NSG1: variants seen among roughly 807,000 people sequenced by gnomAD.
NSG1 encodes the protein neuronal vesicle trafficking-associated protein 1.
In NSG1, 9 loss-of-function variants were observed where a neutral mutation model predicts 19.3. The ratio of observed to expected loss-of-function variants is 0.47; its 90% CI spans 0.28 to 0.81. The LOEUF is 0.81. Among genes scored for constraint, NSG1 ranks in the 40% least tolerant of loss-of-function variants. NSG1 has a pLI of 0.11. For missense variants in NSG1, 236 were observed against 242.4 expected (o/e 0.97, Z 0.18); for synonymous variants, 104 against 107.0 (o/e 0.97, Z 0.17).
At chr4:4,387,392 T>C (rs1351666944) in intron 1 of NSG1, among the ~76,000 whole-genome samples, 1 of 152,022 alleles carries the variant, frequency 6.6e-6, no homozygotes, top group Non-Finnish European at 1.5e-5. Flanking sequence ...GCCCGGCGCT[T>C]GGGTCCTGCG....
intron 3 of NSG1, among the ~76,000 whole-genome samples, chr4:4,403,367 C>A (rs529776011): frequency 6.6e-6 from 1 of 152,346 alleles, no homozygotes; most frequent in South Asian, 2.1e-4. Flanking sequence ...TAGGCAGACA[C>A]TGTTTCCCTG....
intron 1 of NSG1, 23 bp from the exon 2 acceptor site, chr4:4,387,581 T>TC: frequency 2.2e-6 from 2 of 926,818 alleles, no homozygotes; most frequent in Non-Finnish European, 3.1e-6. Context: ...TTGTGGTGAC[T>TC]CCCCCCGGCC....
chr4:4,408,098 T>C (rs1000870988), intron 3 of NSG1, among the ~76,000 whole-genome samples: 2 of 152,028 alleles, frequency 1.3e-5, no homozygotes, highest in South Asian at 2.1e-4. Flanking sequence ...GGGGACTGCA[T>C]GGTGTTAGGG....
chr4:4,398,308 T>G (rs974606787), intron 3 of NSG1, among the ~76,000 whole-genome samples: 2 of 152,210 alleles, frequency 1.3e-5, no homozygotes, highest in Non-Finnish European at 2.9e-5. Flanking sequence ...ACTTACCGCT[T>G]TAAGGTAAGT....
At chr4:4,388,584 C>T (rs1577277491) in intron 2 of NSG1, among the ~76,000 whole-genome samples, 1 of 152,250 alleles carries the variant, frequency 6.6e-6, no homozygotes, top group African/African-American at 2.4e-5. Flanking sequence ...AGCATCTACT[C>T]TCAGCATCTT....
chr4:4,389,409 G>A (rs1722891802), intron 2 of NSG1, among the ~76,000 whole-genome samples: 1 of 152,218 alleles, frequency 6.6e-6, no homozygotes. Flanking sequence ...ACTTCCCGCC[G>A]GGACTGAGTG....
At chr4:4,404,746 T>C (rs1315990035) in intron 3 of NSG1, among the ~76,000 whole-genome samples, 1 of 152,130 alleles carries the variant, frequency 6.6e-6, no homozygotes, top group Non-Finnish European at 1.5e-5. Context: ...CTTAGGAAAG[T>C]CTCCAAACTG....
chr4:4,402,248 C>G (rs1373199644), intron 3 of NSG1, among the ~76,000 whole-genome samples: 1 of 151,000 alleles, frequency 6.6e-6, no homozygotes, highest in African/African-American at 2.4e-5. Flanking sequence ...GCTGTGTAGC[C>G]CAGGTTGGAG....
Position 4,418,785 on chromosome 4 carries a change from G to A in NSG1, c.*1350G>A, listed in dbSNP as rs368545743. The A allele has an allele frequency of 1.3e-5, 2 of 152,678 alleles. No individual in the cohort carries two copies. The allele number at this position is 152,678 out of a possible 1,614,324, so 9.5% of individuals were successfully genotyped here. A position where few individuals can be genotyped will look rare whatever the true frequency, so the allele number is the denominator to read the frequency against. Reference sequence around the variant, plus strand: ...CAGAAAATGTATTTTCTCATCAAGGGTGTCTGGAGACACAGACCGTGACCT... The same window carrying A: ...CAGAAAATGTATTTTCTCATCAAGGATGTCTGGAGACACAGACCGTGACCT... On this transcript the variant is annotated 3_prime_UTR_variant, in exon 5 of 5. Transcript: ENST00000621129.
At chr4:4,387,561 C>CCGGGGGGGGGGTGGG in intron 1 of NSG1, 43 bp from the exon 2 acceptor site, 3 of 1,141,990 alleles carry the variant, frequency 2.6e-6, no homozygotes, top group East Asian at 2.7e-5. Context: ...CGCCCCGCCC[C>CCGGGGGGGGGGTGGG]GGGTCTTGCT....
intron 3 of NSG1, among the ~76,000 whole-genome samples, chr4:4,400,721 C>A (rs1049401563): frequency 6.6e-6 from 1 of 152,156 alleles, no homozygotes; most frequent in Non-Finnish European, 1.5e-5. Flanking sequence ...GACTTTGTCA[C>A]CAATGCATAC....
intron 3 of NSG1, among the ~76,000 whole-genome samples, chr4:4,401,663 T>C (rs1255449359): frequency 1.3e-5 from 2 of 152,280 alleles, no homozygotes; most frequent in East Asian, 3.9e-4. Flanking sequence ...CGTACAGCCC[T>C]GCAGGGCTGC....
intron 2 of NSG1, among the ~76,000 whole-genome samples, chr4:4,388,119 G>T (rs1482381993): frequency 6.6e-6 from 1 of 152,244 alleles, no homozygotes; most frequent in East Asian, 1.9e-4. Flanking sequence ...GAGCCTAGGG[G>T]CGGGCGAGGC....
chr4:4,401,175 AC>A (rs2108738302), intron 3 of NSG1, among the ~76,000 whole-genome samples: 1 of 152,390 alleles, frequency 6.6e-6, no homozygotes, highest in African/African-American at 2.4e-5. Flanking sequence ...TGCCAGCTGC[AC>A]AGAAGTGATG....
intron 1 of NSG1, 43 bp from the exon 2 acceptor site, chr4:4,387,561 C>CCGGGGTGG: frequency 8.8e-6 from 10 of 1,141,954 alleles, no homozygotes; most frequent in Middle Eastern, 2.5e-4. Context: ...CGCCCCGCCC[C>CCGGGGTGG]GGGTCTTGCT....
intron 4 of NSG1, among the ~76,000 whole-genome samples, chr4:4,416,883 A>G (rs1724574777): frequency 6.6e-6 from 1 of 152,136 alleles, no homozygotes; most frequent in Admixed American, 6.5e-5. Flanking sequence ...CCTCATTTGA[A>G]TTGGTTGTTT....
chr4:4,409,952 G>A (rs181614249), intron 4 of NSG1, among the ~76,000 whole-genome samples: 11 of 152,354 alleles, frequency 7.2e-5, no homozygotes, highest in East Asian at 1.9e-4. Flanking sequence ...GGCCCTCCTC[G>A]AAAGTGGGCC....
chr4:4,390,594 A>C (rs1333504346), intron 2 of NSG1, among the ~76,000 whole-genome samples: 1 of 152,162 alleles, frequency 6.6e-6, no homozygotes, highest in African/African-American at 2.4e-5. Flanking sequence ...GGCTGTCTCT[A>C]GTGCAACAGC....
chr4:4,412,156 A>T (rs7679985), intron 4 of NSG1, among the ~76,000 whole-genome samples: 1 of 152,178 alleles, frequency 6.6e-6, no homozygotes, highest in South Asian at 2.1e-4. Flanking sequence ...TCGTTGACCC[A>T]AATGCTGTTA....
Sources: gnomAD v4.1 joint callset for allele counts (sites outside exome capture counted in the v4.1 genomes callset) on GRCh38, gnomAD v4.1.1 for gene constraint, MANE v1.5 for transcripts, NCBI Gene and HGNC (gene_info 2026-07-23, HGNC 2026-07-21) for gene names.